Variants in DYSF observed in about 807,000 individuals in gnomAD.
The protein encoded by DYSF is dystrophy-associated fer-1-like 1.
A neutral mutation model predicts 274.9 loss-of-function variants in DYSF; 212 were observed. That is an observed-to-expected ratio of 0.77 (90% CI 0.69 to 0.86). The LOEUF (loss-of-function observed/expected upper bound fraction) is 0.86, where lower values mean the gene tolerates loss of function less well. Ranked by LOEUF, DYSF falls within the 40% of genes least tolerant of loss-of-function variation. DYSF has a pLI of 0.00. For missense variants in DYSF, 2,666 were observed against 2,783.2 expected, an observed-to-expected ratio of 0.96 and a Z score of 0.95; for synonymous variants, 1,091 against 1,078.7, an observed-to-expected ratio of 1.01 and a Z score of -0.22.
rs867173762 is a variant in DYSF at position 71,674,496 on chromosome 2, G to T, written c.5884+200G>T. The stretch of plus-strand genomic sequence containing the variant: ...CACAGCAGTGTCAGAGTGATTGGTG[G>T]CCACTGAGGGTGGGCCTGTCAGTAG... On this transcript the variant is annotated intron_variant, in intron 52 of 55. Coordinates refer to ENST00000410020, the MANE Select transcript of DYSF (RefSeq NM_001130987.2). Among the ~76,000 whole-genome samples, 7 of 152,316 alleles carry T rather than the reference G, an allele frequency of 4.6e-5. No homozygotes were observed. In the South Asian group the frequency reaches 1.0e-3, roughly 23 times the overall value.
chr2:71,674,394 CAGG>C (rs2095184323), intron 52 of DYSF, 98 bp downstream of exon 52: 6 of 1,190,608 alleles, frequency 5.0e-6, no homozygotes, highest in Non-Finnish European at 7.4e-6. Context: ...GGAAGCCTAG[CAGG>C]AGGAGTGATC....
At position 71,485,743 on chromosome 2, in the gene DYSF, A is replaced by G. The variant is rs1216094782; in HGVS notation, c.239+3773A>G. ...AAGAAAACCATACCAGGGAGTAACA[A>G]GAATGAACGCATGACATTTTAAATT... On this transcript the variant is annotated intron_variant, in intron 3 of 55. Coordinates refer to ENST00000410020, the MANE Select transcript of DYSF (RefSeq NM_001130987.2). Among the ~76,000 whole-genome samples the G allele has an allele frequency of 2.6e-5, 4 of 152,244 alleles. No homozygotes were observed. The East Asian group carries it at 7.7e-4, about 29-fold the overall frequency.
At chr2:71,469,334 A>G (rs1444762980) in intron 1 of DYSF, among the ~76,000 whole-genome samples, 1 of 152,112 alleles carries the variant, frequency 6.6e-6, no homozygotes, top group Non-Finnish European at 1.5e-5. Flanking sequence ...TGGGAGCTTC[A>G]CCAAAGACCA....
In DYSF at chr2:71,526,237, C is replaced by G. The variant is rs886042490; in HGVS notation, c.1167C>G (p.Pro389=). The part of the protein sequence containing the change: ...GDEAPLERKD[P]SEDKEDIESN... Reference sequence around the variant, plus strand: ...CTTTGTAGCTGGAGAGAAAAGACCCCTCTGAAGACAAGGAGGACATTGAAA... The same window carrying G: ...CTTTGTAGCTGGAGAGAAAAGACCCGTCTGAAGACAAGGAGGACATTGAAA... Residue 389 remains proline, a synonymous_variant, in exon 13 of 56, where the codon CCC becomes CCG. Coordinates refer to ENST00000410020, the MANE Select transcript of DYSF (RefSeq NM_001130987.2). 4.3e-6 allele frequency: 7 copies of G among 1,614,134 alleles called. No individual in the cohort carries two copies. Among genetic ancestry groups the G allele is most frequent in the Non-Finnish European group, 5.9e-6 (7 of 1,180,048 alleles).
At chr2:71,566,217 A>C (rs1574030204) in intron 24 of DYSF, among the ~76,000 whole-genome samples, 1 of 64,550 alleles carries the variant, frequency 1.5e-5, no homozygotes, top group Non-Finnish European at 2.9e-5. Flanking sequence ...GGTCTGCGAG[A>C]GTGGCGGGGG....
rs776490431 is a variant in DYSF, at chr2:71,553,937, T to C, written c.2109+6T>C. The C allele has an allele frequency of 6.2e-7, 1 of 1,613,716 alleles. No individual in the cohort carries two copies. Among genetic ancestry groups the C allele is most frequent in the African/African-American group, 1.3e-5 (1 of 74,804 alleles). Reference sequence around the variant, plus strand: ...TTGGGATTGCTGACCGGCTGGTGAGTGAAAACTTGCCCAAAGCTGCACATG... The same window carrying C: ...TTGGGATTGCTGACCGGCTGGTGAGCGAAAACTTGCCCAAAGCTGCACATG... On this transcript the variant is annotated splice_donor_region_variant and intron_variant, in intron 21 of 55. Coordinates refer to ENST00000410020, the MANE Select transcript of DYSF (RefSeq NM_001130987.2).
rs528087548 is a variant in DYSF at position 71,564,219 on chromosome 2, T to A, written c.2565+6T>A. 6.2e-7 allele frequency: 1 copy of A among 1,614,102 alleles called. No individual in the cohort carries two copies. The highest frequency in any genetic ancestry group is 8.5e-7 in the Non-Finnish European group (1 of 1,180,026). ...TACAGACAATCTTTCTGAAAGTGAG[T>A]TTTCTTTTTTCCCAAGTCATGATCG... is the stretch of plus-strand genomic sequence containing the variant. On this transcript the variant is annotated splice_donor_region_variant and intron_variant, in intron 24 of 55. Transcript: ENST00000410020.
chr2:71,512,427 C>G (rs1336180690), intron 5 of DYSF, among the ~76,000 whole-genome samples: 1 of 152,228 alleles, frequency 6.6e-6, no homozygotes, highest in Admixed American at 6.5e-5. Context: ...GACACTGAGT[C>G]TCTGTGTGAC....
At chr2:71,550,084 G>T (rs901633029) in intron 17 of DYSF, among the ~76,000 whole-genome samples, 3 of 152,240 alleles carry the variant, frequency 2.0e-5, no homozygotes, top group African/African-American at 7.2e-5. Flanking sequence ...GAGGCCATTT[G>T]TTTTGTGCCT....
intron 17 of DYSF, among the ~76,000 whole-genome samples, chr2:71,541,085 A>G (rs1294668422): frequency 1.3e-5 from 2 of 152,134 alleles, no homozygotes; most frequent in Non-Finnish European, 2.9e-5. Flanking sequence ...ATTATCTTCA[A>G]TTGGTATGTC....
At chr2:71,454,631 A>G (rs1405927596) in intron 1 of DYSF, among the ~76,000 whole-genome samples, 2 of 152,154 alleles carry the variant, frequency 1.3e-5, no homozygotes, top group East Asian at 1.9e-4. Flanking sequence ...GCAGCTGGGC[A>G]CAGCTGTCAC....
At chr2:71,502,541 T>C (rs923297959) in intron 3 of DYSF, among the ~76,000 whole-genome samples, 2 of 152,132 alleles carry the variant, frequency 1.3e-5, no homozygotes, top group African/African-American at 4.8e-5. Flanking sequence ...TCCTCTGCTC[T>C]CTTTGAAGGG....
rs571737147 is a variant in DYSF, at chr2:71,521,690, A to G, written c.1149+786A>G. ...TCCTGCCATGCCTCGTGTCTCCCCC[A>G]TCCTCACCACACACTGGCTCCTTGG... On this transcript the variant is annotated intron_variant, in intron 12 of 55. Transcript: ENST00000410020. Among the ~76,000 whole-genome samples, 350 of 152,198 alleles carry G rather than the reference A, an allele frequency of 2.3e-3. 2 individuals are homozygous for G. The highest frequency in any genetic ancestry group is 3.7e-3 in the Non-Finnish European group (253 of 67,978).
chr2:71,569,515 T>G (rs2092305764), intron 26 of DYSF, among the ~76,000 whole-genome samples: 1 of 152,214 alleles, frequency 6.6e-6, no homozygotes, highest in Admixed American at 6.5e-5. Context: ...TTGATAAAAC[T>G]TTATATTTTT....
intron 41 of DYSF, among the ~76,000 whole-genome samples, chr2:71,623,651 A>C (rs1204192591): frequency 1.3e-5 from 2 of 152,100 alleles, no homozygotes; most frequent in East Asian, 1.9e-4. Flanking sequence ...GGTTTATTAA[A>C]ATTTGATGAG....
At chr2:71,587,702 A>G (rs2093118772) in intron 30 of DYSF, among the ~76,000 whole-genome samples, 1 of 152,192 alleles carries the variant, frequency 6.6e-6, no homozygotes, top group South Asian at 2.1e-4. Context: ...CACTTGCCCA[A>G]AGTCACACAG....
At chr2:71,555,521 G>C (rs531280130) in intron 21 of DYSF, among the ~76,000 whole-genome samples, 4 of 152,276 alleles carry the variant, frequency 2.6e-5, no homozygotes, top group Non-Finnish European at 5.9e-5. Context: ...AGAGGTGGCA[G>C]GACGAATCCT....
At chr2:71,523,079 G>A (rs1263632221) in intron 12 of DYSF, among the ~76,000 whole-genome samples, 1 of 152,168 alleles carries the variant, frequency 6.6e-6, no homozygotes, top group East Asian at 1.9e-4. Flanking sequence ...TCTCTCTCAT[G>A]AATGCCACAG....
At chr2:71,624,197 C>T (rs1452045283) in intron 41 of DYSF, among the ~76,000 whole-genome samples, 1 of 152,170 alleles carries the variant, frequency 6.6e-6, no homozygotes, top group African/African-American at 2.4e-5. Context: ...CATATTAGTA[C>T]AACCCAGCTC....
Sources: gnomAD v4.1 joint callset for allele counts (sites outside exome capture counted in the v4.1 genomes callset) on GRCh38, gnomAD v4.1.1 for gene constraint, MANE v1.5 for transcripts, NCBI Gene and HGNC (gene_info 2026-07-23, HGNC 2026-07-21) for gene names.